Variants in TBX5 observed in about 807,000 individuals in gnomAD.
TBX5 encodes the protein T-box transcription factor TBX5.
In TBX5, 8 loss-of-function variants were observed where a neutral mutation model predicts 51.1. That is an observed-to-expected ratio of 0.16 (90% CI 0.09 to 0.28). The LOEUF (loss-of-function observed/expected upper bound fraction) is 0.28. Ranked by LOEUF, TBX5 falls within the 10% of genes least tolerant of loss-of-function variation. TBX5 has a pLI of 1.00. For missense variants in TBX5, 589 were observed against 671.7 expected (o/e 0.88, Z 1.36); for synonymous variants, 302 against 266.4 (o/e 1.13, Z -1.30).
At chr12:114,397,012 T>A (rs1871469095) in intron 5 of TBX5, among the ~76,000 whole-genome samples, 1 of 152,210 alleles carries the variant, frequency 6.6e-6, no homozygotes, top group South Asian at 2.1e-4. Context: ...ACCCACGTGC[T>A]GAGAGCTGCA....
chr12:114,386,487 G>T (rs539273316), intron 6 of TBX5, among the ~76,000 whole-genome samples: 1 of 152,192 alleles, frequency 6.6e-6, no homozygotes, highest in Admixed American at 6.5e-5. Flanking sequence ...GTCATTCAAG[G>T]TTTTCTTTCA....
At chr12:114,404,048 C>T in intron 1 of TBX5, 112 bp from the exon 2 acceptor site, 1 of 1,128,420 alleles carries the variant, frequency 8.9e-7, no homozygotes, top group Non-Finnish European at 1.3e-6. Context: ...CCCCCAGTTT[C>T]CAGCTACCAG....
chr12:114,401,923 G>A lies in TBX5; in HGVS notation c.148-3C>T. The stretch of plus-strand genomic sequence containing the variant: ...AACACTTTGATTCCCTCCATGCCCT[G>A]CAAGAAGGAGAAAAAAGTCACACTA... On this transcript the variant is annotated splice_region_variant and splice_polypyrimidine_tract_variant and intron_variant, in intron 2 of 8. Coordinates refer to ENST00000405440, the MANE Select transcript of TBX5 (RefSeq NM_181486.4). The A allele has an allele frequency of 6.2e-7, 1 of 1,613,936 alleles. No individual in the cohort carries two copies. Among genetic ancestry groups the A allele is most frequent in the Non-Finnish European group, 8.5e-7 (1 of 1,179,868 alleles).
At chr12:114,397,425 C>T (rs1871496309) in intron 5 of TBX5, among the ~76,000 whole-genome samples, 2 of 152,240 alleles carry the variant, frequency 1.3e-5, no homozygotes, top group African/African-American at 4.8e-5. Flanking sequence ...CGAATGTACC[C>T]ACTTGTATGG....
chr12:114,376,381 C>G (rs1031200097), intron 7 of TBX5, among the ~76,000 whole-genome samples: 2 of 152,102 alleles, frequency 1.3e-5, no homozygotes, highest in Non-Finnish European at 1.5e-5. Flanking sequence ...TTAAGTGAAA[C>G]AAGCCGGACA....
intron 7 of TBX5, among the ~76,000 whole-genome samples, chr12:114,370,293 A>AAAAGAAAAGAAAAG (rs1555224267): frequency 2.3e-5 from 3 of 128,804 alleles, no homozygotes; most frequent in Admixed American, 8.0e-5. Context: ...GAAAAGAAAG[A>AAAAGAAAAGAAAAG]AAAGAAAAGA....
chr12:114,355,481 C>A lies in TBX5; in HGVS notation c.*51G>T. ...GTCTCTCTCCTTCTCTCTCTTTCTCCTCTCTCTCTCTCTTTCTCTAGGAAA... is the reference window on the plus strand; with the variant it reads ...GTCTCTCTCCTTCTCTCTCTTTCTCATCTCTCTCTCTCTTTCTCTAGGAAA... On this transcript the variant is annotated 3_prime_UTR_variant, in exon 9 of 9. Transcript: ENST00000405440. 1.1e-6 allele frequency: 1 copy of A among 911,012 alleles called. No homozygotes were observed. The highest frequency in any genetic ancestry group is 2.3e-5 in the South Asian group (1 of 43,192). The allele number at this position is 911,012 out of a possible 1,614,324, so 56.4% of individuals were successfully genotyped here. A position where few individuals can be genotyped will look rare whatever the true frequency, so the allele number is the denominator to read the frequency against.
intron 6 of TBX5, among the ~76,000 whole-genome samples, chr12:114,388,463 A>C (rs1335545015): frequency 2.0e-5 from 3 of 151,686 alleles, no homozygotes; most frequent in Non-Finnish European, 4.4e-5. Flanking sequence ...AGCTGAGCCA[A>C]GTATTTTTAA....
intron 1 of TBX5, among the ~76,000 whole-genome samples, chr12:114,404,983 C>CT (rs1190441222): frequency 6.6e-6 from 1 of 152,206 alleles, no homozygotes; most frequent in East Asian, 1.9e-4. Flanking sequence ...TGTTCAAGCC[C>CT]GATGAGCCTG....
intron 6 of TBX5, among the ~76,000 whole-genome samples, chr12:114,390,447 T>C (rs1385214076): frequency 1.3e-5 from 2 of 152,196 alleles, no homozygotes; most frequent in Non-Finnish European, 2.9e-5. Context: ...CGGGAGAGAT[T>C]TGGGAGTGGG....
Position 114,364,359 on chromosome 12 carries a change from T to C in TBX5, c.982+1806A>G, listed in dbSNP as rs568664384. ...GTGTCTTTTAGAGCAAAACAGCTAC[T>C]ACTTTCTGAGTCAACCCTGAGATAA... On this transcript the variant is annotated intron_variant, in intron 8 of 8. Coordinates refer to ENST00000405440, the MANE Select transcript of TBX5 (RefSeq NM_181486.4). 2.0e-5 allele frequency among the ~76,000 whole-genome samples: 3 copies of C among 152,348 alleles called. No individual in the cohort carries two copies. The South Asian group carries it at 6.2e-4, about 32-fold the overall frequency.
chr12:114,398,028 A>G (rs1871533103), intron 5 of TBX5, among the ~76,000 whole-genome samples: 1 of 152,214 alleles, frequency 6.6e-6, no homozygotes, highest in Admixed American at 6.5e-5. Context: ...ATTTTCTGCA[A>G]GACTGAAACA....
Position 114,361,599 on chromosome 12 carries a change from C to T in TBX5, c.982+4566G>A, listed in dbSNP as rs115702104. On this transcript the variant is annotated intron_variant, in intron 8 of 8. Transcript: ENST00000405440. ...CAGCCGGTTCCAAACACAAGGAGCC[C>T]TCCGGCCTGCCTGGCCCTGTGACAT... 6.4e-3 allele frequency among the ~76,000 whole-genome samples: 972 copies of T among 152,236 alleles called. 12 individuals carry two copies. Among genetic ancestry groups the T allele is most frequent in the African/African-American group, 0.022 (911 of 41,536 alleles).
At chr12:114,378,371 G>A (rs1386086274) in intron 7 of TBX5, among the ~76,000 whole-genome samples, 1 of 152,186 alleles carries the variant, frequency 6.6e-6, no homozygotes, top group Admixed American at 6.5e-5. Flanking sequence ...CCTGAAGAAA[G>A]CAAGCTTGCA....
intron 6 of TBX5, among the ~76,000 whole-genome samples, chr12:114,393,498 C>T (rs1300791891): frequency 6.6e-6 from 1 of 152,206 alleles, no homozygotes; most frequent in Non-Finnish European, 1.5e-5. Context: ...CATTAAATCC[C>T]TCCTGCCACC....
intron 6 of TBX5, among the ~76,000 whole-genome samples, chr12:114,389,491 A>G (rs892552938): frequency 2.0e-5 from 3 of 151,714 alleles, no homozygotes; most frequent in Non-Finnish European, 2.9e-5. Context: ...GCGGTGGCTC[A>G]CGCCTGTAAT....
rs148903869 is a variant in TBX5 at position 114,389,856 on chromosome 12, C to T, written c.664-4289G>A. On this transcript the variant is annotated intron_variant, in intron 6 of 8. Coordinates refer to ENST00000405440, the MANE Select transcript of TBX5 (RefSeq NM_181486.4). ...CCACCGCAGTCTCAGAAGTAAATGT[C>T]GAAGATGGTGAGGCTGTGACACCAG... 3.4e-3 allele frequency among the ~76,000 whole-genome samples: 495 copies of T among 147,092 alleles called. 3 individuals carry two copies. Among genetic ancestry groups the T allele is most frequent in the African/African-American group, 0.012 (478 of 39,672 alleles).
rs757937037 is a variant in TBX5, at chr12:114,368,417, A to G, written c.756-2026T>C. Among the ~76,000 whole-genome samples, 3 of 152,200 alleles carry G rather than the reference A, an allele frequency of 2.0e-5. No homozygotes were observed. The East Asian group carries it at 5.8e-4, about 29-fold the overall frequency. On this transcript the variant is annotated intron_variant, in intron 7 of 8. Coordinates refer to ENST00000405440, the MANE Select transcript of TBX5 (RefSeq NM_181486.4). The stretch of plus-strand genomic sequence containing the variant: ...ACCTGAAATAATATCATGCGCAAAG[A>G]GCTACACGTAACGCATTTTGAAGGA...
At chr12:114,385,255 T>A (rs921368941) in intron 7 of TBX5, among the ~76,000 whole-genome samples, 4 of 152,168 alleles carry the variant, frequency 2.6e-5, no homozygotes, top group African/African-American at 4.8e-5. Context: ...TCGTACCTTC[T>A]CTCCACTAGA....
Sources: gnomAD v4.1 joint callset for allele counts (sites outside exome capture counted in the v4.1 genomes callset) on GRCh38, gnomAD v4.1.1 for gene constraint, MANE v1.5 for transcripts, NCBI Gene and HGNC (gene_info 2026-07-23, HGNC 2026-07-21) for gene names.